The following RABL6 variants were observed in gnomAD, a reference collection of about 807,000 sequenced individuals.
RABL6 encodes RAB, member RAS oncogene family like 6, also known as rab-like protein 6.
In RABL6, 28 loss-of-function variants were observed where a neutral mutation model predicts 72.9. That is an observed-to-expected ratio of 0.38 (90% confidence interval 0.28 to 0.53). The LOEUF (loss-of-function observed/expected upper bound fraction) is 0.53. Among genes scored for constraint, RABL6 ranks in the 20% least tolerant of loss-of-function variants. The probability of loss-of-function intolerance (pLI) is 0.80; values close to 1 mark genes in which losing one functional copy is unlikely to be tolerated. For missense variants in RABL6, 1,029 were observed against 1,008.4 expected, an observed-to-expected ratio of 1.02 and a Z score of -0.28; for synonymous variants, 477 against 421.2, an observed-to-expected ratio of 1.13 and a Z score of -1.62.
intron 1 of RABL6, among the ~76,000 whole-genome samples, chr9:136,818,589 A>G (rs942617067): frequency 1.3e-5 from 2 of 151,818 alleles, no homozygotes; most frequent in African/African-American, 2.4e-5. Flanking sequence ...TAAAAAAAAT[A>G]CAAAAATTAG....
At chr9:136,821,625 C>G (rs1247398185) in intron 1 of RABL6, 25 of 987,922 alleles carry the variant, frequency 2.5e-5, no homozygotes, top group Non-Finnish European at 2.8e-5. Flanking sequence ...TGCCTCGGGC[C>G]GGAGGAGGGA....
intron 7 of RABL6, chr9:136,833,727 T>G (rs1426132257): frequency 6.5e-7 from 1 of 1,550,318 alleles, no homozygotes; most frequent in African/African-American, 1.4e-5. Context: ...CAGAAGGATG[T>G]CAGGCTTGCC....
intron 10 of RABL6, 145 bp downstream of exon 10, chr9:136,838,160 C>T: frequency 1.8e-6 from 2 of 1,083,966 alleles, no homozygotes; most frequent in Admixed American, 5.3e-5. Context: ...AGCTCTGTGG[C>T]TGGAGCAGAC....
intron 8 of RABL6, chr9:136,836,122 C>G (rs1346714153): frequency 5.5e-6 from 2 of 363,122 alleles, no homozygotes. Context: ...TCATGGAGTG[C>G]TGCTGGGGCT....
At chr9:136,836,198 G>T in intron 8 of RABL6, 1 of 238,248 alleles carries the variant, frequency 4.2e-6, no homozygotes. Context: ...CTGGGGAGCT[G>T]CTTGACTTTG....
At chr9:136,829,786 G>A (rs1848433592) in intron 5 of RABL6, among the ~76,000 whole-genome samples, 1 of 152,266 alleles carries the variant, frequency 6.6e-6, no homozygotes, top group Non-Finnish European at 1.5e-5. Flanking sequence ...AGACTTGGCG[G>A]AAGCAAGTGG....
chr9:136,839,311 C>T lies in RABL6; in HGVS notation c.1583C>T (p.Thr528Ile), dbSNP rs1445319988. 5 of 1,612,404 alleles carry T rather than the reference C, an allele frequency of 3.1e-6. No individual in the cohort carries two copies. Among genetic ancestry groups the T allele is most frequent in the Middle Eastern group, 3.3e-4 (2 of 6,010 alleles). ...TGGCCAGGCGGTGTCTCTGTTCGCA[C>T]AGGTCCGGAGAAGCGCAGCAGCACC... ...PPWPGGVSVR[T>I]GPEKRSSTRP... Residue 528 changes from threonine (T) to isoleucine (I), a missense_variant, in exon 12 of 15, where the codon ACA (threonine) becomes ATA (isoleucine). Around this residue, in one of 2 missense-constraint regions of RABL6, gnomAD observed 595 missense variants for 472.4 expected, o/e 1.26. Transcript: ENST00000311502.
intron 1 of RABL6, among the ~76,000 whole-genome samples, chr9:136,819,592 C>T (rs556073394): frequency 3.9e-5 from 6 of 152,244 alleles, no homozygotes; most frequent in Admixed American, 1.3e-4. Context: ...GGAAACAAGA[C>T]ACTAGGTAAA....
At chr9:136,823,762 T>C (rs1203185554) in intron 2 of RABL6, 103 bp downstream of exon 2, 3 of 1,400,120 alleles carry the variant, frequency 2.1e-6, no homozygotes, top group Non-Finnish European at 2.8e-6. Flanking sequence ...CCCCGAAGAG[T>C]TCTTGTCTGT....
chr9:136,823,432 A>G lies in RABL6; in HGVS notation c.131-93A>G, dbSNP rs532298031. 1.5e-5 allele frequency: 22 copies of G among 1,498,580 alleles called. No individual in the cohort carries two copies. The Admixed American group carries it at 2.3e-4, about 15-fold the overall frequency. The allele number at this position is 1,498,580 out of a possible 1,614,324, so 92.8% of individuals were successfully genotyped here. On this transcript the variant is annotated intron_variant, in intron 1 of 14. Transcript: ENST00000311502. ...TAGCAAGAAAGATGAAACAGGTGGC[A>G]GCAGAACCGGCTCTCCTTGTAGTTG...
chr9:136,839,197 A>C, intron 11 of RABL6, 25 bp from the exon 12 acceptor site: 2 of 1,596,102 alleles, frequency 1.3e-6, no homozygotes, highest in Non-Finnish European at 1.7e-6. Flanking sequence ...GAGGACCCTG[A>C]CTGACCCTCT....
At position 136,809,547 on chromosome 9, in the gene RABL6, C is replaced by CG. The variant is rs1847958133; in HGVS notation, c.130+1224dup. The CG allele has an allele frequency of 4.2e-5, 8 of 188,862 alleles. 1 individual carries two copies. The South Asian group carries it at 6.0e-4, about 14-fold the overall frequency. 11.7% of individuals were successfully genotyped at this position (188,862 alleles called of 1,614,324 possible). On this transcript the variant is annotated intron_variant, in intron 1 of 14. Transcript: ENST00000311502. Reference sequence around the variant, plus strand: ...ATCCCAGCACTTTGGGAGGCCAAGGCGGGCAGATCACGAGGTCAGGAATTC... The same window carrying CG: ...ATCCCAGCACTTTGGGAGGCCAAGGCGGGGCAGATCACGAGGTCAGGAATTC...
rs1321908604 is a variant in RABL6 at position 136,838,027 on chromosome 9, G to T, written c.1280+12G>T. 3.9e-6 allele frequency: 6 copies of T among 1,553,508 alleles called. No individual in the cohort carries two copies. Among genetic ancestry groups the T allele is most frequent in the Non-Finnish European group, 5.2e-6 (6 of 1,148,838 alleles). On this transcript the variant is annotated intron_variant, in intron 10 of 14. Coordinates refer to ENST00000311502, the MANE Select transcript of RABL6 (RefSeq NM_024718.5). ...CAGGACAGCGACAGGTGAGGGGTGG[G>T]CCTGGGCCTCCTCTCCCATTGCCCC...
chr9:136,813,587 G>T, intron 1 of RABL6: 2 of 343,842 alleles, frequency 5.8e-6, no homozygotes, highest in South Asian at 3.5e-5. Context: ...CATCCTTGCT[G>T]ACTAATCCAA....
At chr9:136,822,076 G>A in intron 1 of RABL6, 1 of 1,289,256 alleles carries the variant, frequency 7.8e-7, no homozygotes, top group Non-Finnish European at 1.0e-6. Context: ...GGTAGAGGGA[G>A]GGGACTGGGC....
chr9:136,822,567 G>A (rs558705449), intron 1 of RABL6, among the ~76,000 whole-genome samples: 4 of 152,234 alleles, frequency 2.6e-5, no homozygotes, highest in African/African-American at 9.6e-5. Flanking sequence ...TAGTCCAGTC[G>A]GGTGCCAGGT....
Position 136,808,301 on chromosome 9 carries a change from C to G in RABL6, c.105C>G (p.Arg35=). 2 of 1,560,500 alleles carry G rather than the reference C, an allele frequency of 1.3e-6. No individual in the cohort carries two copies. Among genetic ancestry groups the G allele is most frequent in the Non-Finnish European group, 1.7e-6 (2 of 1,155,174 alleles). ...CCATGAACCAGGCGTTGCAGAGGCG[C>G]TTCGCCAAGGGGGTGCAGTACAACA... ...LQSMNQALQR[R]FAKGVQYNMK... is the part of the protein sequence containing the mutation. Residue 35 remains arginine, a synonymous_variant, in exon 1 of 15, where the codon CGC becomes CGG. Coordinates refer to ENST00000311502, the MANE Select transcript of RABL6 (RefSeq NM_024718.5).
chr9:136,812,611 C>G (rs1437585430), intron 1 of RABL6, among the ~76,000 whole-genome samples: 1 of 151,964 alleles, frequency 6.6e-6, no homozygotes, highest in Non-Finnish European at 1.5e-5. Context: ...TCAAAACAAA[C>G]AAGGAAGGTA....
At chr9:136,823,483 G>T in intron 1 of RABL6, 42 bp from the exon 2 acceptor site, 1 of 1,610,132 alleles carries the variant, frequency 6.2e-7, no homozygotes, top group Non-Finnish European at 8.5e-7. Flanking sequence ...CTTGGGTTCG[G>T]TTCGTTTAAT....
Sources: gnomAD v4.1 joint callset for allele counts (sites outside exome capture counted in the v4.1 genomes callset) on GRCh38, gnomAD v4.1.1 for gene constraint, gnomAD v4.1.1 regional missense constraint, MANE v1.5 for transcripts, NCBI Gene and HGNC (gene_info 2026-07-23, HGNC 2026-07-21) for gene names.